DGKD: variants seen among roughly 807,000 people sequenced by gnomAD.
The protein encoded by DGKD is DAG kinase delta.
DGKD carries 68 observed loss-of-function variants against 154.4 expected under a neutral mutation model. The ratio of observed to expected loss-of-function variants is 0.44; its 90% CI spans 0.36 to 0.54. The LOEUF is 0.54. Among genes scored for constraint, DGKD ranks in the 20% least tolerant of loss-of-function variants. DGKD has a pLI of 0.00. For synonymous variants in DGKD, 693 were observed against 638.0 expected, an observed-to-expected ratio of 1.09 and a Z score of -1.30; for missense variants, 1,343 against 1,593.6, an observed-to-expected ratio of 0.84 and a Z score of 2.68.
chr2:233,375,202 A>G (rs1702508820), intron 1 of DGKD, among the ~76,000 whole-genome samples: 1 of 152,180 alleles, frequency 6.6e-6, no homozygotes, highest in Non-Finnish European at 1.5e-5. Flanking sequence ...GAGGCAGGAG[A>G]ATCGTTTGAA....
In DGKD at chr2:233,438,424, G is replaced by T. The variant is rs1369831483; in HGVS notation, c.1085+45G>T. 1.3e-6 allele frequency: 2 copies of T among 1,552,130 alleles called. No homozygotes were observed. The highest frequency in any genetic ancestry group is 1.2e-5 in the South Asian group (1 of 83,438). Reference sequence around the variant, plus strand: ...TATCTTTCTTGGAGTTTTAAAAATTGTGTAGATAGTGTGTGCTTGTTAAAA... The same window carrying T: ...TATCTTTCTTGGAGTTTTAAAAATTTTGTAGATAGTGTGTGCTTGTTAAAA... On this transcript the variant is annotated intron_variant, in intron 9 of 29. Transcript: ENST00000264057. The surrounding 1 kb of genome is among the most constrained non-coding windows in gnomAD (Gnocchi z 4.1).
At chr2:233,431,893 G>A (rs1017298534) in intron 3 of DGKD, among the ~76,000 whole-genome samples, 3 of 152,226 alleles carry the variant, frequency 2.0e-5, no homozygotes, top group African/African-American at 7.2e-5. Flanking sequence ...TTTCTAGGAC[G>A]TTGGACTGGG....
intron 3 of DGKD, among the ~76,000 whole-genome samples, chr2:233,433,369 G>A (rs182274556): frequency 6.6e-6 from 1 of 152,034 alleles, no homozygotes; most frequent in East Asian, 1.9e-4. Flanking sequence ...GTTCTTATTT[G>A]TGGGAGCTAA....
At chr2:233,435,588 C>T (rs1485685245) in intron 5 of DGKD, among the ~76,000 whole-genome samples, 3 of 152,198 alleles carry the variant, frequency 2.0e-5, no homozygotes, top group Non-Finnish European at 2.9e-5. Flanking sequence ...CTCCACTGCT[C>T]ACTCTCTGGC....
intron 1 of DGKD, among the ~76,000 whole-genome samples, chr2:233,384,323 CT>C (rs1214758005): frequency 2.0e-5 from 3 of 152,198 alleles, no homozygotes; most frequent in Non-Finnish European, 4.4e-5. Context: ...TCCTCCGCTT[CT>C]GCCCACTTTC....
chr2:233,438,745 G>A lies in DGKD; in HGVS notation c.1085+366G>A, dbSNP rs1224679868. Among the ~76,000 whole-genome samples the A allele has an allele frequency of 7.8e-5, 7 of 89,390 alleles. No homozygotes were observed. Among genetic ancestry groups the A allele is most frequent in the African/African-American group, 3.4e-4 (6 of 17,814 alleles). 58.6% of individuals were successfully genotyped at this position (89,390 alleles called of 152,430 possible). A position where few individuals can be genotyped will look rare whatever the true frequency, so the allele number is the denominator to read the frequency against. On this transcript the variant is annotated intron_variant, in intron 9 of 29. Transcript: ENST00000264057. The surrounding 1 kb of genome is among the most constrained non-coding windows in gnomAD (Gnocchi z 4.1). ...TCATTTTATAATTTTTTATTTATCTGTCTATCTATCATCTATCTATCTATC... is the reference window on the plus strand; with the variant it reads ...TCATTTTATAATTTTTTATTTATCTATCTATCTATCATCTATCTATCTATC...
rs1458483928 is a variant in DGKD, at chr2:233,441,030, T to TG, written c.1086-854dup. ...GGGATGTGTCCTGTTGGATGTGCCC[T>TG]GGGATACCAGAGTGGTGTGTTCTGG... is the stretch of plus-strand genomic sequence containing the variant. On this transcript the variant is annotated intron_variant, in intron 9 of 29. Coordinates refer to ENST00000264057, the MANE Select transcript of DGKD (RefSeq NM_152879.3). The surrounding 1 kb of genome is among the most constrained non-coding windows in gnomAD (Gnocchi z 5.6). 6.6e-6 allele frequency among the ~76,000 whole-genome samples: 1 copy of TG among 152,168 alleles called. No homozygotes were observed. The highest frequency in any genetic ancestry group is 1.5e-5 in the Non-Finnish European group (1 of 68,026).
intron 3 of DGKD, among the ~76,000 whole-genome samples, chr2:233,398,485 G>A (rs558391903): frequency 1.1e-4 from 16 of 152,168 alleles, no homozygotes; most frequent in Non-Finnish European, 1.3e-4. Flanking sequence ...GTTTAACAAA[G>A]TCATTCCCTC....
At chr2:233,409,787 G>GCT (rs2061777820) in intron 3 of DGKD, among the ~76,000 whole-genome samples, 1 of 60,892 alleles carries the variant, frequency 1.6e-5, no homozygotes, top group South Asian at 9.9e-4. Context: ...CCCCCATACC[G>GCT]TTTTTTTTTT....
chr2:233,463,545 G>A (rs1343343865), intron 26 of DGKD, among the ~76,000 whole-genome samples: 13 of 109,578 alleles, frequency 1.2e-4, no homozygotes, highest in African/African-American at 5.8e-4. Context: ...CTCACTCCAC[G>A]CATCTCCTCA....
chr2:233,439,248 T>C (rs1040440954), intron 9 of DGKD, among the ~76,000 whole-genome samples: 5 of 152,188 alleles, frequency 3.3e-5, no homozygotes, highest in Non-Finnish European at 7.3e-5. Flanking sequence ...GGCCTGTATT[T>C]CTCTGGGAGG....
chr2:233,427,966 T>G (rs930656153), intron 3 of DGKD, among the ~76,000 whole-genome samples: 3 of 152,176 alleles, frequency 2.0e-5, no homozygotes, highest in Admixed American at 2.0e-4. Context: ...AGCCCCTGCT[T>G]TCTCGCCTGG....
chr2:233,376,065 G>A (rs761102522), intron 1 of DGKD, among the ~76,000 whole-genome samples: 12 of 152,194 alleles, frequency 7.9e-5, no homozygotes, highest in Non-Finnish European at 1.6e-4. Context: ...TTTCGCAGAA[G>A]CTGAATCTTT....
chr2:233,389,628 G>A (rs927457397), intron 2 of DGKD, among the ~76,000 whole-genome samples: 10 of 151,644 alleles, frequency 6.6e-5, no homozygotes, highest in African/African-American at 2.2e-4. Flanking sequence ...CTGGTGGTGC[G>A]GGGAGGGGAA....
rs1395314059 is a variant in DGKD, at chr2:233,445,600, C to T, written c.1195-23C>T. Reference sequence around the variant, plus strand: ...CCCTGCCCCCAGGTGTTTGCCTGCGCATCGTCCCCCATGTTTCCTTAGTGT... The same window carrying T: ...CCCTGCCCCCAGGTGTTTGCCTGCGTATCGTCCCCCATGTTTCCTTAGTGT... On this transcript the variant is annotated intron_variant, in intron 10 of 29. Transcript: ENST00000264057. The surrounding 1 kb of genome is among the most constrained non-coding windows in gnomAD (Gnocchi z 5.5). The T allele has an allele frequency of 6.3e-7, 1 of 1,584,136 alleles. No homozygotes were observed. Among genetic ancestry groups the T allele is most frequent in the African/African-American group, 1.4e-5 (1 of 73,956 alleles).
chr2:233,454,369 G>T (rs936860302), intron 18 of DGKD: 24 of 472,076 alleles, frequency 5.1e-5, no homozygotes, highest in Non-Finnish European at 9.7e-5. Flanking sequence ...AAAGGAGCCA[G>T]ACACAGAGCC....
chr2:233,406,271 G>A lies in DGKD; in HGVS notation c.348+15788G>A, dbSNP rs376255367. ...CAAGATCCTTAACTTGATTACATCT[G>A]CAAAGACTGTTTTTCTAAATAAGGT... On this transcript the variant is annotated intron_variant, in intron 3 of 29. Coordinates refer to ENST00000264057, the MANE Select transcript of DGKD (RefSeq NM_152879.3). 1.5e-4 allele frequency among the ~76,000 whole-genome samples: 23 copies of A among 152,294 alleles called. No individual in the cohort carries two copies. The East Asian group carries it at 3.9e-3, about 26-fold the overall frequency.
At chr2:233,439,585 A>G (rs1162439354) in intron 9 of DGKD, among the ~76,000 whole-genome samples, 1 of 152,158 alleles carries the variant, frequency 6.6e-6, no homozygotes, top group South Asian at 2.1e-4. Context: ...TTTTTGAGAC[A>G]AGAGTCTTGC....
At position 233,449,060 on chromosome 2, in the gene DGKD, T is replaced by C. The variant is rs1334662459; in HGVS notation, c.1615-43T>C. ...GAGGTTCCCTGCCTGCAGACCCTGT[T>C]CTCCTGCCTCAGCTCTGCATGCCAT... On this transcript the variant is annotated intron_variant, in intron 14 of 29. Transcript: ENST00000264057. This position sits in a 1 kb window ranked among gnomAD's most constrained non-coding sequence, Gnocchi z 5.3. The C allele has an allele frequency of 6.5e-7, 1 of 1,545,388 alleles. No individual in the cohort carries two copies. The highest frequency in any genetic ancestry group is 8.8e-7 in the Non-Finnish European group (1 of 1,140,880).
Sources: gnomAD v4.1 joint callset for allele counts (sites outside exome capture counted in the v4.1 genomes callset) on GRCh38, gnomAD v4.1.1 for gene constraint, Gnocchi (gnomAD v3.1) non-coding constraint, MANE v1.5 for transcripts, NCBI Gene and HGNC (gene_info 2026-07-23, HGNC 2026-07-21) for gene names.